Variants in ATXN10 observed in about 807,000 individuals in gnomAD.
ATXN10 encodes the protein ataxin-10.
Under a neutral mutation model 52.9 loss-of-function variants are expected in ATXN10, and 28 were observed. That is an observed-to-expected ratio of 0.53 (90% CI 0.39 to 0.73). ATXN10 has a LOEUF of 0.73. ATXN10 is among the 30% of genes least tolerant of loss of function. The pLI is 0.00. For missense variants in ATXN10, 565 were observed against 577.0 expected, an observed-to-expected ratio of 0.98 and a Z score of 0.21; for synonymous variants, 226 against 221.5, an observed-to-expected ratio of 1.02 and a Z score of -0.18.
chr22:45,763,828 G>A lies in ATXN10; in HGVS notation c.1173+23290G>A, dbSNP rs751484068. Among the ~76,000 whole-genome samples, 6 of 152,234 alleles carry A rather than the reference G, an allele frequency of 3.9e-5. No homozygotes were observed. Among genetic ancestry groups the A allele is most frequent in the Non-Finnish European group, 7.3e-5 (5 of 68,040 alleles). ...GTGCTGGGAACAGCATAGCATGGTG[G>A]TGGAGTGGGCTCACTGAGTGAGCTG... On this transcript the variant is annotated intron_variant, in intron 9 of 11. Transcript: ENST00000252934. The surrounding 1 kb of genome is among the most constrained non-coding windows in gnomAD (Gnocchi z 6.9).
At chr22:45,740,255 G>A in intron 8 of ATXN10, 114 bp from the exon 9 acceptor site, 1 of 995,276 alleles carries the variant, frequency 1.0e-6, no homozygotes, top group Non-Finnish European at 1.5e-6. Flanking sequence ...AAAGCTTTCT[G>A]TGCTCTACCT....
At chr22:45,724,268 A>G (rs1408017835) in intron 6 of ATXN10, among the ~76,000 whole-genome samples, 8 of 152,030 alleles carry the variant, frequency 5.3e-5, no homozygotes, top group Admixed American at 4.6e-4. Context: ...AGGTTTTACT[A>G]TTTTACTTTC....
rs1927696203 is a variant in ATXN10, at chr22:45,795,420, A to ATTCTATTC, written c.1174-11535_1174-11534insATTCTTCT. On this transcript the variant is annotated intron_variant, in intron 9 of 11. Transcript: ENST00000252934. The surrounding 1 kb of genome is among the most constrained non-coding windows in gnomAD (Gnocchi z 4.6). Reference sequence around the variant, plus strand: ...ATTCTATTCTATTCTATTCTATTCTATTCTTTTTGAGATGAAGTCTCTCTA... The same window carrying ATTCTATTC: ...ATTCTATTCTATTCTATTCTATTCTATTCTATTCTTCTTTTTGAGATGAAGTCTCTCTA... Among the ~76,000 whole-genome samples the ATTCTATTC allele has an allele frequency of 7.7e-6, 1 of 130,290 alleles. No individual in the cohort carries two copies. Among genetic ancestry groups the ATTCTATTC allele is most frequent in the Admixed American group, 7.6e-5 (1 of 13,226 alleles). 85.5% of individuals were successfully genotyped at this position (130,290 alleles called of 152,430 possible).
chr22:45,792,917 G>T, intron 9 of ATXN10: 1 of 428,254 alleles, frequency 2.3e-6, no homozygotes, highest in Non-Finnish European at 4.8e-6. Context: ...TACCTACATA[G>T]GGAGCCACAT....
At chr22:45,729,686 T>TA in intron 7 of ATXN10, 96 bp downstream of exon 7, 1 of 1,314,598 alleles carries the variant, frequency 7.6e-7, no homozygotes, top group Non-Finnish European at 1.1e-6. Flanking sequence ...TTAAAAGCTT[T>TA]AAAAAATATT....
In ATXN10 at chr22:45,678,766, A is replaced by G. The variant is rs1006454051; in HGVS notation, c.116+6587A>G. ...GATTAGTTTACCATGTAATTCATTC[A>G]TTGACTCACACCACACATGATACAT... On this transcript the variant is annotated intron_variant, in intron 1 of 11. Coordinates refer to ENST00000252934, the MANE Select transcript of ATXN10 (RefSeq NM_013236.4). This position sits in a 1 kb window ranked among gnomAD's most constrained non-coding sequence, Gnocchi z 4.1. 13 of 152,204 alleles carry G rather than the reference A, an allele frequency of 8.5e-5. No homozygotes were observed. Among genetic ancestry groups the G allele is most frequent in the Non-Finnish European group, 8.8e-5 (6 of 68,026 alleles). The allele number at this position is 152,204 out of a possible 1,614,324, so 9.4% of individuals were successfully genotyped here.
Position 45,760,752 on chromosome 22 carries a change from C to T in ATXN10, c.1173+20214C>T, listed in dbSNP as rs181126817. On this transcript the variant is annotated intron_variant, in intron 9 of 11. Coordinates refer to ENST00000252934, the MANE Select transcript of ATXN10 (RefSeq NM_013236.4). ...AGGGCCAGAATGGTTCAGTAGTGTA[C>T]CCAAGGCCACACAGCTGTTAAGTGG... Among the ~76,000 whole-genome samples, 26 of 152,096 alleles carry T rather than the reference C, an allele frequency of 1.7e-4. No individual in the cohort carries two copies. The East Asian group carries it at 4.8e-3, about 28-fold the overall frequency.
In ATXN10 at chr22:45,832,291, A is replaced by C. The variant is rs529709739; in HGVS notation, c.1238-10700A>C. ...TGCTTCTTTTTATCCACTCTCCCTC[A>C]CTCATTCTTCCCAGCCATACAAGTT... On this transcript the variant is annotated intron_variant, in intron 10 of 11. Transcript: ENST00000252934. Among the ~76,000 whole-genome samples, 27 of 151,678 alleles carry C rather than the reference A, an allele frequency of 1.8e-4. No individual in the cohort carries two copies. The South Asian group carries it at 5.6e-3, about 32-fold the overall frequency.
intron 1 of ATXN10, chr22:45,689,467 G>A: frequency 1.8e-6 from 1 of 543,402 alleles, no homozygotes; most frequent in Admixed American, 3.1e-5. Flanking sequence ...GGAGAGGACA[G>A]TGTTGGCCTC....
At position 45,671,963 on chromosome 22, in the gene ATXN10, T is replaced by C; in HGVS notation, c.-101T>C. ...GGCTGTGTAGGGCGAGGCCTCCCCC[T>C]TCCTCCTCGCCATCCTACTCCTCCC... On this transcript the variant is annotated 5_prime_UTR_variant, in exon 1 of 12. Coordinates refer to ENST00000252934, the MANE Select transcript of ATXN10 (RefSeq NM_013236.4). The C allele has an allele frequency of 7.4e-7, 1 of 1,347,128 alleles. No individual in the cohort carries two copies. Among genetic ancestry groups the C allele is most frequent in the Non-Finnish European group, 1.0e-6 (1 of 989,752 alleles). 83.4% of individuals were successfully genotyped at this position (1,347,128 alleles called of 1,614,324 possible). A position where few individuals can be genotyped will look rare whatever the true frequency, so the allele number is the denominator to read the frequency against.
chr22:45,718,578 C>T lies in ATXN10; in HGVS notation c.728+85C>T. On this transcript the variant is annotated intron_variant, in intron 6 of 11. Coordinates refer to ENST00000252934, the MANE Select transcript of ATXN10 (RefSeq NM_013236.4). This position sits in a 1 kb window ranked among gnomAD's most constrained non-coding sequence, Gnocchi z 4.4. ...ACGTGACTGAAAAGCTGTGTGGTTT[C>T]TGAGTTGGCACAGAATCTCTAAATA... 2.5e-6 allele frequency: 3 copies of T among 1,212,430 alleles called. No homozygotes were observed. Among genetic ancestry groups the T allele is most frequent in the Non-Finnish European group, 3.7e-6 (3 of 814,858 alleles). 75.1% of individuals were successfully genotyped at this position (1,212,430 alleles called of 1,614,324 possible). A position where few individuals can be genotyped will look rare whatever the true frequency, so the allele number is the denominator to read the frequency against.
intron 1 of ATXN10, among the ~76,000 whole-genome samples, chr22:45,685,814 T>G (rs1923114026): frequency 6.6e-6 from 1 of 152,218 alleles, no homozygotes; most frequent in Non-Finnish European, 1.5e-5. Flanking sequence ...AAGCTATAGA[T>G]ATTTATTATA....
intron 4 of ATXN10, among the ~76,000 whole-genome samples, 158 bp from the exon 5 acceptor site, chr22:45,702,531 C>T (rs1923879686): frequency 6.6e-6 from 1 of 152,096 alleles, no homozygotes; most frequent in African/African-American, 2.4e-5. Context: ...TTTATATTTA[C>T]TATTTTTACA....
rs374348543 is a variant in ATXN10, at chr22:45,828,204, GA to G, written c.1238-14777del. ...CATCTCTATTAAAAACTTTAAAAAA[GA>G]AAAAAAAAAGAAGAAAAAAATATTT... On this transcript the variant is annotated intron_variant, in intron 10 of 11. Coordinates refer to ENST00000252934, the MANE Select transcript of ATXN10 (RefSeq NM_013236.4). This position sits in a 1 kb window ranked among gnomAD's most constrained non-coding sequence, Gnocchi z 4.5. Among the ~76,000 whole-genome samples, 25 of 135,394 alleles carry G rather than the reference GA, an allele frequency of 1.8e-4. No individual in the cohort carries two copies. Among genetic ancestry groups the G allele is most frequent in the African/African-American group, 4.1e-4 (15 of 36,804 alleles). The allele number at this position is 135,394 out of a possible 152,430, so 88.8% of individuals were successfully genotyped here. A position where few individuals can be genotyped will look rare whatever the true frequency, so the allele number is the denominator to read the frequency against.
chr22:45,672,242 C>T, intron 1 of ATXN10, 63 bp downstream of exon 1: 3 of 1,404,052 alleles, frequency 2.1e-6, no homozygotes, highest in African/African-American at 1.5e-5. Context: ...CCCGCGGCGG[C>T]CCCGGCCTGG....
intron 7 of ATXN10, among the ~76,000 whole-genome samples, chr22:45,734,949 G>T (rs1488425056): frequency 4.0e-5 from 6 of 151,082 alleles, no homozygotes; most frequent in Non-Finnish European, 1.5e-5. Context: ...CAGAGGTGTG[G>T]TCTTGGCTCA....
chr22:45,788,848 C>T (rs554837257), intron 9 of ATXN10, among the ~76,000 whole-genome samples: 35 of 152,058 alleles, frequency 2.3e-4, no homozygotes, highest in African/African-American at 6.0e-4. Flanking sequence ...GAGGTCTCGC[C>T]GTGTTGTTCA....
At chr22:45,776,887 A>G (rs1235201070) in intron 9 of ATXN10, among the ~76,000 whole-genome samples, 1 of 152,124 alleles carries the variant, frequency 6.6e-6, no homozygotes, top group Non-Finnish European at 1.5e-5. Flanking sequence ...TTCTTCATGG[A>G]AGGATCTGTA....
intron 10 of ATXN10, among the ~76,000 whole-genome samples, chr22:45,810,484 A>G (rs1928245014): frequency 6.6e-6 from 1 of 152,234 alleles, no homozygotes; most frequent in Non-Finnish European, 1.5e-5. Flanking sequence ...ATACCTGTAC[A>G]CACACAGAAA....
Sources: gnomAD v4.1 joint callset for allele counts (sites outside exome capture counted in the v4.1 genomes callset) on GRCh38, gnomAD v4.1.1 for gene constraint, Gnocchi (gnomAD v3.1) non-coding constraint, MANE v1.5 for transcripts, NCBI Gene and HGNC (gene_info 2026-07-23, HGNC 2026-07-21) for gene names.